Variants in C5AR1 observed in about 807,000 individuals in gnomAD.
The protein encoded by C5AR1 is complement C5a receptor 1.
Under a neutral mutation model 2.4 loss-of-function variants are expected in C5AR1, and 4 were observed. The ratio of observed to expected loss-of-function variants is 1.65; its 90% confidence interval spans 0.81 to 3.77. The LOEUF (loss-of-function observed/expected upper bound fraction) is 3.77, where lower values mean the gene tolerates loss of function less well. C5AR1 is among the 30% of genes most tolerant of loss of function. The pLI is 0.01. For missense variants in C5AR1, 418 were observed against 462.5 expected (o/e 0.90, Z 0.88); for synonymous variants, 209 against 210.4 (o/e 0.99, Z 0.06).
Position 47,320,244 on chromosome 19 carries a change from C to A in C5AR1, c.467C>A (p.Ala156Asp). ...CGAGGGGCTGGCTTGGCCTGGATCG[C>A]CTGTGCCGTGGCTTGGGGTTTAGCC... ...NFRGAGLAWIACAVAWGLALL... is the reference protein window; with the variant it reads ...NFRGAGLAWIDCAVAWGLALL... Residue 156 changes from alanine to aspartate, a missense_variant, in exon 2 of 2, where the codon GCC becomes GAC. Physicochemically the swap from Ala to Asp is moderately radical, Grantham distance 126. Transcript: ENST00000355085. The surrounding 1 kb of genome is among the most constrained non-coding windows in gnomAD (Gnocchi z 4.9). The A allele has an allele frequency of 1.2e-6, 2 of 1,614,064 alleles. No homozygotes were observed. The highest frequency in any genetic ancestry group is 1.7e-6 in the Non-Finnish European group (2 of 1,180,042).
chr19:47,313,818 C>T (rs1475487315), intron 1 of C5AR1, among the ~76,000 whole-genome samples: 1 of 151,908 alleles, frequency 6.6e-6, no homozygotes, highest in Non-Finnish European at 1.5e-5. Context: ...TTCTTGCTAA[C>T]CGAGAAGACT....
Position 47,320,536 on chromosome 19 carries a change from C to A in C5AR1, c.759C>A (p.Ile253=), listed in dbSNP as rs749900477. The A allele has an allele frequency of 1.2e-6, 2 of 1,613,848 alleles. No individual in the cohort carries two copies. Among genetic ancestry groups the A allele is most frequent in the African/African-American group, 2.7e-5 (2 of 74,850 alleles). Residue 253 remains isoleucine, a synonymous_variant, in exon 2 of 2, where the codon ATC becomes ATA. Coordinates refer to ENST00000355085, the MANE Select transcript of C5AR1 (RefSeq NM_001736.4). The surrounding 1 kb of genome is among the most constrained non-coding windows in gnomAD (Gnocchi z 4.9). ...TGGCAGTGGTGGCCAGTTTCTTTAT[C>A]TTCTGGTTGCCCTACCAGGTGACGG... The part of the protein sequence containing the change: ...VVVAVVASFF[I]FWLPYQVTGI...
intron 1 of C5AR1, among the ~76,000 whole-genome samples, chr19:47,311,603 C>T (rs549728835): frequency 3.9e-5 from 6 of 152,146 alleles, no homozygotes; most frequent in South Asian, 2.1e-4. Context: ...TCACTCTTGT[C>T]GCCCAGGCTG....
At chr19:47,316,051 G>A (rs1487649160) in intron 1 of C5AR1, among the ~76,000 whole-genome samples, 1 of 151,074 alleles carries the variant, frequency 6.6e-6, no homozygotes, top group Non-Finnish European at 1.5e-5. Context: ...TGTTGCCCAG[G>A]CTGGAGGGCA....
At chr19:47,308,419 A>G (rs1055957407), upstream of C5AR1, among the ~76,000 whole-genome samples, 2 of 152,074 alleles carry the variant, frequency 1.3e-5, no homozygotes, top group African/African-American at 4.8e-5. Flanking sequence ...TAATTATTTC[A>G]TTATATATTA....
intron 1 of C5AR1, among the ~76,000 whole-genome samples, chr19:47,316,839 C>A (rs2059290730): frequency 6.6e-6 from 1 of 151,698 alleles, no homozygotes; most frequent in Non-Finnish European, 1.5e-5. Context: ...CTGCCCATAG[C>A]CTGGCTAACC....
chr19:47,315,141 C>T (rs1217019746), intron 1 of C5AR1, among the ~76,000 whole-genome samples: 1 of 152,160 alleles, frequency 6.6e-6, no homozygotes, highest in Non-Finnish European at 1.5e-5. Context: ...CTTCAGCCTC[C>T]CAAAGTGCTA....
In C5AR1 at chr19:47,321,144, T is replaced by C; in HGVS notation, c.*314T>C. The C allele has an allele frequency of 5.0e-6, 1 of 199,462 alleles. No homozygotes were observed. Among genetic ancestry groups the C allele is most frequent in the South Asian group, 8.2e-5 (1 of 12,142 alleles). 12.4% of individuals were successfully genotyped at this position (199,462 alleles called of 1,614,324 possible). ...TATCTGGGATATTTCCATATGGCAA[T>C]AGGTGTGAACAGGGAACTCAGAATA... On this transcript the variant is annotated 3_prime_UTR_variant, in exon 2 of 2. Coordinates refer to ENST00000355085, the MANE Select transcript of C5AR1 (RefSeq NM_001736.4).
intron 1 of C5AR1, among the ~76,000 whole-genome samples, chr19:47,317,525 T>A (rs1458411754): frequency 8.7e-5 from 12 of 138,048 alleles, no homozygotes; most frequent in African/African-American, 3.5e-4. Flanking sequence ...AAAAAATATA[T>A]ATATATATAT....
upstream of C5AR1, among the ~76,000 whole-genome samples, chr19:47,308,780 G>GTTT (rs35218039): frequency 0.036 from 5,087 of 139,590 alleles, 249 homozygotes; most frequent in East Asian, 0.22. Context: ...GGTGACGATG[G>GTTT]TTTTTTTTTT....
chr19:47,319,393 C>G (rs1181515490), intron 1 of C5AR1, among the ~76,000 whole-genome samples: 1 of 144,716 alleles, frequency 6.9e-6, no homozygotes, highest in Non-Finnish European at 1.5e-5. Flanking sequence ...ACTCTAACCT[C>G]TGCCTCCTGG....
At chr19:47,317,079 G>C (rs1197327629) in intron 1 of C5AR1, among the ~76,000 whole-genome samples, 1 of 151,124 alleles carries the variant, frequency 6.6e-6, no homozygotes, top group African/African-American at 2.4e-5. Context: ...TGTAGTCCTA[G>C]CTACTCAAGA....
At chr19:47,311,690 G>A (rs954521318) in intron 1 of C5AR1, among the ~76,000 whole-genome samples, 1 of 151,612 alleles carries the variant, frequency 6.6e-6, no homozygotes, top group Non-Finnish European at 1.5e-5. Context: ...TCAGCCTCCC[G>A]ACTAGGTGGG....
At position 47,320,758 on chromosome 19, in the gene C5AR1, C is replaced by T. The variant is rs141119895; in HGVS notation, c.981C>T (p.Ser327=). Residue 327 remains serine, a synonymous_variant, in exon 2 of 2, where the codon TCC becomes TCT. Transcript: ENST00000355085. The surrounding 1 kb of genome is among the most constrained non-coding windows in gnomAD (Gnocchi z 4.9). ...SLLRNVLTEE[S]VVRESKSFTR... is the part of the protein sequence containing the mutation. ...TCCGGAACGTGTTGACTGAAGAGTC[C>T]GTGGTTAGGGAGAGCAAGTCATTCA... 2.0e-4 allele frequency: 322 copies of T among 1,613,964 alleles called. No homozygotes were observed. The highest frequency in any genetic ancestry group is 2.6e-4 in the Non-Finnish European group (306 of 1,180,038).
At chr19:47,314,688 G>A (rs1237923064) in intron 1 of C5AR1, among the ~76,000 whole-genome samples, 1 of 147,444 alleles carries the variant, frequency 6.8e-6, no homozygotes, top group African/African-American at 2.5e-5. Context: ...GTGAACCACC[G>A]TGTCCAGCCT....
chr19:47,319,303 C>CT (rs2059300269), intron 1 of C5AR1, among the ~76,000 whole-genome samples: 47 of 67,234 alleles, frequency 7.0e-4, no homozygotes, highest in South Asian at 2.0e-3. Context: ...GGAATCATTT[C>CT]ATTTTTTTTT....
chr19:47,319,249 A>G (rs1599731825), intron 1 of C5AR1, among the ~76,000 whole-genome samples: 2 of 149,646 alleles, frequency 1.3e-5, no homozygotes, highest in Admixed American at 6.7e-5. Context: ...GCAGGATGGG[A>G]CTGAGGGGAG....
At chr19:47,311,251 C>T (rs1247602456) in intron 1 of C5AR1, among the ~76,000 whole-genome samples, 1 of 151,904 alleles carries the variant, frequency 6.6e-6, no homozygotes, top group East Asian at 1.9e-4. Flanking sequence ...GTGGCTCATG[C>T]GTGTAATCCC....
intron 1 of C5AR1, chr19:47,316,678 A>G (rs1472715186): frequency 6.6e-6 from 1 of 152,094 alleles, no homozygotes; most frequent in African/African-American, 2.4e-5. Context: ...ATTCATCCAC[A>G]TTGCAGCATG....
Sources: gnomAD v4.1 joint callset for allele counts (sites outside exome capture counted in the v4.1 genomes callset) on GRCh38, gnomAD v4.1.1 for gene constraint, Gnocchi (gnomAD v3.1) non-coding constraint, MANE v1.5 for transcripts, NCBI Gene and HGNC (gene_info 2026-07-23, HGNC 2026-07-21) for gene names.